RBM27: variants seen among roughly 807,000 people sequenced by gnomAD.
RBM27 encodes RNA binding motif protein 27.
In RBM27, 22 loss-of-function variants were observed where a neutral mutation model predicts 135.3. The observed-to-expected ratio is 0.16, with a 90% CI of 0.12 to 0.23. The LOEUF (loss-of-function observed/expected upper bound fraction) is 0.23, where lower values mean the gene tolerates loss of function less well. Ranked by LOEUF, RBM27 falls within the 10% of genes least tolerant of loss-of-function variation. RBM27 has a pLI of 1.00. For synonymous variants in RBM27, 481 were observed against 442.4 expected, an observed-to-expected ratio of 1.09 and a Z score of -1.10; for missense variants, 1,009 against 1,281.0, an observed-to-expected ratio of 0.79 and a Z score of 3.24.
At chr5:146,282,257 C>T (rs11952903) in intron 19 of RBM27, among the ~76,000 whole-genome samples, 25,090 of 152,160 alleles carry the variant, frequency 0.16, 3,978 homozygotes, top group African/African-American at 0.42. Context: ...CCGCCCACCT[C>T]GGCCTCCCAA....
At chr5:146,256,305 ATTTATATATATATT>A (rs1581207633) in intron 10 of RBM27, among the ~76,000 whole-genome samples, 2 of 146,750 alleles carry the variant, frequency 1.4e-5, no homozygotes, top group East Asian at 3.9e-4. Context: ...TATATATATT[ATTTATATATATATT>A]TTTATATATA....
intron 8 of RBM27, among the ~76,000 whole-genome samples, chr5:146,240,629 T>C (rs1757367324): frequency 6.6e-6 from 1 of 152,174 alleles, no homozygotes; most frequent in African/African-American, 2.4e-5. Context: ...GCCCGGCCTT[T>C]TGCTCTGTTT....
chr5:146,253,385 T>C (rs1354494286), intron 9 of RBM27, among the ~76,000 whole-genome samples: 1 of 152,170 alleles, frequency 6.6e-6, no homozygotes, highest in South Asian at 2.1e-4. Context: ...AATAGGAATG[T>C]CATTGTGATA....
At position 146,251,892 on chromosome 5, in the gene RBM27, A is replaced by T. The variant is rs1394324656; in HGVS notation, c.1444+17A>T. 4 of 1,610,922 alleles carry T rather than the reference A, an allele frequency of 2.5e-6. No homozygotes were observed. Among genetic ancestry groups the T allele is most frequent in the Non-Finnish European group, 3.4e-6 (4 of 1,177,390 alleles). Reference sequence around the variant, plus strand: ...TGGTTCCAGGTAAGCTTTGCTACAGATGGCCATCCACCTCACTGATCTTTT... The same window carrying T: ...TGGTTCCAGGTAAGCTTTGCTACAGTTGGCCATCCACCTCACTGATCTTTT... On this transcript the variant is annotated intron_variant, in intron 9 of 20. Transcript: ENST00000265271.
chr5:146,212,638 G>A (rs1043127402), intron 1 of RBM27, among the ~76,000 whole-genome samples: 2 of 152,056 alleles, frequency 1.3e-5, no homozygotes, highest in African/African-American at 2.4e-5. Context: ...ACAGGCATGA[G>A]CCACTGTGCC....
chr5:146,271,449 T>C lies in RBM27; in HGVS notation c.2797-34T>C, dbSNP rs2895653. 12,027 of 1,534,202 alleles carry C rather than the reference T, an allele frequency of 7.8e-3. 473 individuals are homozygous for C. In the African/African-American group the frequency reaches 0.11, roughly 14 times the overall value. ...TTGTTTTTAAGGTTTAGTCTAATAA[T>C]GTATGCTACATTCTACTTTTTGTTG... is the stretch of plus-strand genomic sequence containing the variant. On this transcript the variant is annotated intron_variant, in intron 18 of 20. Transcript: ENST00000265271.
intron 8 of RBM27, among the ~76,000 whole-genome samples, chr5:146,250,748 G>T (rs1175352793): frequency 1.2e-4 from 12 of 97,096 alleles, no homozygotes; most frequent in African/African-American, 2.3e-4. Flanking sequence ...GTGCTGGTCT[G>T]TTTATCTGTT....
intron 10 of RBM27, among the ~76,000 whole-genome samples, chr5:146,257,521 T>C (rs1758156800): frequency 6.6e-6 from 1 of 152,194 alleles, no homozygotes; most frequent in African/African-American, 2.4e-5. Flanking sequence ...TTGTATACTC[T>C]CTCTTCTCTT....
At chr5:146,257,062 A>G (rs560602863) in intron 10 of RBM27, among the ~76,000 whole-genome samples, 10 of 152,322 alleles carry the variant, frequency 6.6e-5, no homozygotes, top group South Asian at 4.1e-4. Context: ...GATCACGTCT[A>G]TTTTATTCAC....
rs555250102 is a variant in RBM27, at chr5:146,287,178, T to C, written c.*1148T>C. Reference sequence around the variant, plus strand: ...GAGGGCTGAGTATGCTAGTAATAAATGGGAGTCATATATGACTTTGTTCAG... The same window carrying C: ...GAGGGCTGAGTATGCTAGTAATAAACGGGAGTCATATATGACTTTGTTCAG... On this transcript the variant is annotated 3_prime_UTR_variant, in exon 21 of 21. Coordinates refer to ENST00000265271, the MANE Select transcript of RBM27 (RefSeq NM_018989.2). 2.6e-5 allele frequency: 4 copies of C among 152,440 alleles called. No homozygotes were observed. In the East Asian group the frequency reaches 7.8e-4, roughly 30 times the overall value. 9.4% of individuals were successfully genotyped at this position (152,440 alleles called of 1,614,324 possible).
In RBM27 at chr5:146,204,990, C is replaced by T. The variant is rs535593059; in HGVS notation, c.59+1166C>T. Among the ~76,000 whole-genome samples, 8 of 152,244 alleles carry T rather than the reference C, an allele frequency of 5.3e-5. No homozygotes were observed. The South Asian group carries it at 1.7e-3, about 32-fold the overall frequency. ...TCGGCTCACTGCAACCTCCGCCTCC[C>T]GGGTTCAAGCGATTCTCCTGCCTCA... On this transcript the variant is annotated intron_variant, in intron 1 of 20. Coordinates refer to ENST00000265271, the MANE Select transcript of RBM27 (RefSeq NM_018989.2).
At chr5:146,265,748 A>G (rs2126868487) in intron 14 of RBM27, among the ~76,000 whole-genome samples, 1 of 152,334 alleles carries the variant, frequency 6.6e-6, no homozygotes, top group African/African-American at 2.4e-5. Context: ...TTGATATTCT[A>G]AAACCCATCT....
At chr5:146,260,652 A>G (rs2304032) in intron 11 of RBM27, 93 bp from the exon 12 acceptor site, 292,763 of 1,139,010 alleles carry the variant, frequency 0.26, 39,728 homozygotes, top group Admixed American at 0.37. Context: ...AAAGGCACTT[A>G]AAAAAATTAT....
At chr5:146,251,052 G>GGCGTGAGCC (rs1364624067) in intron 8 of RBM27, among the ~76,000 whole-genome samples, 2 of 142,612 alleles carry the variant, frequency 1.4e-5, no homozygotes, top group African/African-American at 4.9e-5. Flanking sequence ...TGGGATTACA[G>GGCGTGAGCC]GCGTGAGCCA....
rs1336546995 is a variant in RBM27, at chr5:146,263,571, T to C, written c.2271T>C (p.Gly757=). ...AACATCGTCTTGGACATGCAGGTGGTAACCAGAGTGATGCATCACATTTGT... is the reference window on the plus strand; with the variant it reads ...AACATCGTCTTGGACATGCAGGTGGCAACCAGAGTGATGCATCACATTTGT... ...PVKHRLGHAG[G]NQSDASHLLN... Residue 757 remains glycine, a synonymous_variant, in exon 14 of 21, where the codon GGT becomes GGC. Coordinates refer to ENST00000265271, the MANE Select transcript of RBM27 (RefSeq NM_018989.2). 2 of 1,614,040 alleles carry C rather than the reference T, an allele frequency of 1.2e-6. No homozygotes were observed. Among genetic ancestry groups the C allele is most frequent in the African/African-American group, 2.7e-5 (2 of 74,930 alleles).
chr5:146,288,346 C>T lies in RBM27; in HGVS notation c.*2316C>T, dbSNP rs1759661765. 6.6e-6 allele frequency: 1 copy of T among 151,872 alleles called. No homozygotes were observed. Among genetic ancestry groups the T allele is most frequent in the African/African-American group, 2.4e-5 (1 of 41,364 alleles). 9.4% of individuals were successfully genotyped at this position (151,872 alleles called of 1,614,324 possible). ...ACAGTTTTTTCAGTAAGGTTTGAGG[C>T]CCTTTCTATAAGTTTTCAGTACACC... On this transcript the variant is annotated 3_prime_UTR_variant, in exon 21 of 21. Transcript: ENST00000265271.
chr5:146,261,903 C>A, intron 13 of RBM27, 97 bp downstream of exon 13: 1 of 1,263,464 alleles, frequency 7.9e-7, no homozygotes, highest in Non-Finnish European at 1.1e-6. Flanking sequence ...AGAAGAGCTA[C>A]TCTTAATTTG....
intron 10 of RBM27, 55 bp downstream of exon 10, chr5:146,255,147 A>T (rs1364338855): frequency 1.4e-5 from 21 of 1,479,216 alleles, no homozygotes; most frequent in Non-Finnish European, 1.8e-5. Context: ...AGTTGGATAT[A>T]GTTATTACAT....
Position 146,263,552 on chromosome 5 carries a change from G to A in RBM27, c.2252G>A (p.Arg751His), listed in dbSNP as rs369396778. 16 of 1,614,004 alleles carry A rather than the reference G, an allele frequency of 9.9e-6. No individual in the cohort carries two copies. The highest frequency in any genetic ancestry group is 3.3e-5 in the South Asian group (3 of 91,086). Residue 751 changes from arginine (R) to histidine (H), a missense_variant, in exon 14 of 21, where the codon CGT becomes CAT. Arg to His is a conservative substitution (Grantham distance 29). Around this residue, in one of 6 missense-constraint regions of RBM27, gnomAD observed 355 missense variants for 427.3 expected, o/e 0.83. Coordinates refer to ENST00000265271, the MANE Select transcript of RBM27 (RefSeq NM_018989.2). ...YVLNKVPVKH[R>H]LGHAGGNQSD... Reference sequence around the variant, plus strand: ...CTTAACAAAGTTCCTGTTAAACATCGTCTTGGACATGCAGGTGGTAACCAG... The same window carrying A: ...CTTAACAAAGTTCCTGTTAAACATCATCTTGGACATGCAGGTGGTAACCAG...
Sources: gnomAD v4.1 joint callset for allele counts (sites outside exome capture counted in the v4.1 genomes callset) on GRCh38, gnomAD v4.1.1 for gene constraint, gnomAD v4.1.1 regional missense constraint, MANE v1.5 for transcripts, NCBI Gene and HGNC (gene_info 2026-07-23, HGNC 2026-07-21) for gene names.